The following NAALADL2 variants were observed in gnomAD, a reference collection of about 807,000 sequenced individuals.
NAALADL2 encodes the protein inactive N-acetylated-alpha-linked acidic dipeptidase-like protein 2.
Under a neutral mutation model 87.2 loss-of-function variants are expected in NAALADL2, and 76 were observed. The observed-to-expected ratio is 0.87, with a 90% CI of 0.72 to 1.05. The LOEUF is 1.05. Ranked by LOEUF, NAALADL2 falls within the 50% of genes least tolerant of loss-of-function variation. The probability of loss-of-function intolerance (pLI) is 0.00; values close to 1 mark genes in which losing one functional copy is unlikely to be tolerated. For missense variants in NAALADL2, 1,089 were observed against 945.8 expected (o/e 1.15, Z -1.99); for synonymous variants, 354 against 331.0 (o/e 1.07, Z -0.75).
intron 13 of NAALADL2, among the ~76,000 whole-genome samples, chr3:175,763,399 A>G (rs1026938313): frequency 6.6e-6 from 1 of 152,182 alleles, no homozygotes; most frequent in Admixed American, 6.5e-5. Context: ...CAAGATTTCC[A>G]GCCTTGTCAA....
At chr3:175,513,507 T>TTAA (rs1470563919) in intron 9 of NAALADL2, among the ~76,000 whole-genome samples, 13 of 152,298 alleles carry the variant, frequency 8.5e-5, no homozygotes, top group Non-Finnish European at 2.9e-5. Flanking sequence ...ATAGCACAGT[T>TTAA]TAATTCTGTT....
Position 175,246,299 on chromosome 3 carries a change from A to T in NAALADL2, c.820-10112A>T, listed in dbSNP as rs1022593783. 2.6e-5 allele frequency among the ~76,000 whole-genome samples: 4 copies of T among 152,166 alleles called. 1 individual carries two copies. The highest frequency in any genetic ancestry group is 2.6e-4 in the Admixed American group (4 of 15,256). On this transcript the variant is annotated intron_variant, in intron 3 of 13. Coordinates refer to ENST00000454872, the MANE Select transcript of NAALADL2 (RefSeq NM_207015.3). ...GCAGAAACTCGTTTTTAGGTGAGCA[A>T]TACTTGTGATAGTATTGTAGTTTGT...
At position 175,655,065 on chromosome 3, in the gene NAALADL2, T is replaced by C. The variant is rs544787692; in HGVS notation, c.1896+27679T>C. Among the ~76,000 whole-genome samples, 9 of 152,136 alleles carry C rather than the reference T, an allele frequency of 5.9e-5. No individual in the cohort carries two copies. The South Asian group carries it at 1.7e-3, about 28-fold the overall frequency. On this transcript the variant is annotated intron_variant, in intron 11 of 13. Coordinates refer to ENST00000454872, the MANE Select transcript of NAALADL2 (RefSeq NM_207015.3). ...AGTGGTAACTACAAAATTATTACAA[T>C]AGGATAGTATGAATTACAGTTAATT...
chr3:174,729,890 AAGAT>A (rs10543304), intron 2 of NAALADL2, among the ~76,000 whole-genome samples: 4,750 of 152,156 alleles, frequency 0.031, 260 homozygotes, highest in African/African-American at 0.11. Context: ...TAAAAGAAAA[AAGAT>A]AGTTCATTTA....
intron 1 of NAALADL2, among the ~76,000 whole-genome samples, chr3:174,536,146 G>A (rs1721702735): frequency 1.3e-5 from 2 of 152,118 alleles, no homozygotes; most frequent in South Asian, 2.1e-4. Context: ...GTCTTGAGTT[G>A]TTCTGACACT....
At chr3:174,965,622 T>G (rs1742754969) in intron 1 of NAALADL2, among the ~76,000 whole-genome samples, 1 of 152,138 alleles carries the variant, frequency 6.6e-6, no homozygotes, top group African/African-American at 2.4e-5. Context: ...AGGCATATTT[T>G]GTGCTTATAT....
intron 4 of NAALADL2, among the ~76,000 whole-genome samples, chr3:175,310,668 T>A (rs1304444155): frequency 6.6e-6 from 1 of 152,008 alleles, no homozygotes; most frequent in African/African-American, 2.4e-5. Flanking sequence ...TACTTTTTAT[T>A]TGAGCTTGCT....
At chr3:175,232,995 GCTT>G (rs1745212982) in intron 2 of NAALADL2, among the ~76,000 whole-genome samples, 1 of 152,026 alleles carries the variant, frequency 6.6e-6, no homozygotes, top group South Asian at 2.1e-4. Context: ...GATTTGTCTG[GCTT>G]CTAGTATGTC....
intron 3 of NAALADL2, among the ~76,000 whole-genome samples, chr3:174,836,872 TATAAAA>T (rs949793892): frequency 6.6e-6 from 1 of 151,990 alleles, no homozygotes; most frequent in Non-Finnish European, 1.5e-5. Context: ...AAGTTTAAAG[TATAAAA>T]CATCTAGAAG....
chr3:175,242,185 T>G, intron 3 of NAALADL2, among the ~76,000 whole-genome samples: 1 of 152,268 alleles, frequency 6.6e-6, no homozygotes. Context: ...TAATTTGACT[T>G]AAAGTTATTT....
At chr3:175,527,341 T>G (rs1368532564) in intron 9 of NAALADL2, among the ~76,000 whole-genome samples, 1 of 152,176 alleles carries the variant, frequency 6.6e-6, no homozygotes, top group Non-Finnish European at 1.5e-5. Context: ...ATAATTATAA[T>G]CTAGGTTAAT....
Position 175,626,800 on chromosome 3 carries a change from C to A in NAALADL2, c.1801-491C>A, listed in dbSNP as rs114860560. On this transcript the variant is annotated intron_variant, in intron 10 of 13. Transcript: ENST00000454872. The stretch of plus-strand genomic sequence containing the variant: ...GGTGCCACTCAGAGATCTTACCACT[C>A]AGAGATCTGTTCTACACTCAGTATA... Among the ~76,000 whole-genome samples, 1,029 of 151,924 alleles carry A rather than the reference C, an allele frequency of 6.8e-3. 9 individuals are homozygous for A. Among genetic ancestry groups the A allele is most frequent in the African/African-American group, 0.024 (987 of 41,512 alleles).
chr3:175,346,413 A>G (rs193193091), intron 5 of NAALADL2, among the ~76,000 whole-genome samples: 102 of 152,280 alleles, frequency 6.7e-4, no homozygotes, highest in African/African-American at 2.4e-3. Context: ...TGCTGTGCCC[A>G]TCTTCCTCAA....
intron 3 of NAALADL2, among the ~76,000 whole-genome samples, chr3:174,762,729 A>C: frequency 6.6e-6 from 1 of 152,150 alleles, no homozygotes; most frequent in East Asian, 1.9e-4. Flanking sequence ...AGCTTCTAGC[A>C]TACTAAAACT....
At chr3:174,867,417 T>A (rs1727294696) in intron 1 of NAALADL2, among the ~76,000 whole-genome samples, 1 of 152,026 alleles carries the variant, frequency 6.6e-6, no homozygotes, top group Non-Finnish European at 1.5e-5. Context: ...GTGTGATTTT[T>A]AATTCTTTTA....
chr3:174,917,403 C>T (rs937821106), intron 1 of NAALADL2, among the ~76,000 whole-genome samples: 1 of 152,066 alleles, frequency 6.6e-6, no homozygotes, highest in African/African-American at 2.4e-5. Flanking sequence ...AATTGAATGA[C>T]ATTGAACAAA....
At chr3:174,781,842 T>A (rs1716026274) in intron 3 of NAALADL2, among the ~76,000 whole-genome samples, 1 of 151,998 alleles carries the variant, frequency 6.6e-6, no homozygotes, top group Non-Finnish European at 1.5e-5. Context: ...GGGAGGATGG[T>A]TTGTGCCAGG....
chr3:174,851,555 G>C (rs1725270027), intron 3 of NAALADL2, among the ~76,000 whole-genome samples: 1 of 151,886 alleles, frequency 6.6e-6, no homozygotes, highest in South Asian at 2.1e-4. Flanking sequence ...CAACCTACCA[G>C]TGTTGAACTA....
chr3:174,596,647 C>T (rs1036765730), intron 2 of NAALADL2, among the ~76,000 whole-genome samples: 1 of 152,176 alleles, frequency 6.6e-6, no homozygotes, highest in African/African-American at 2.4e-5. Context: ...TCCTCTTTTA[C>T]TTCCTGTCCT....
Sources: allele counts gnomAD v4.1 joint callset (sites outside exome capture counted in the v4.1 genomes callset), GRCh38; gene constraint gnomAD v4.1.1; transcripts MANE v1.5; gene names NCBI Gene and HGNC (gene_info 2026-07-23, HGNC 2026-07-21).